Variants in MPPED1 observed in about 807,000 individuals in gnomAD.
MPPED1 encodes the protein metallophosphoesterase domain-containing protein 1.
Under a neutral mutation model 36.2 loss-of-function variants are expected in MPPED1, and 16 were observed. The ratio of observed to expected loss-of-function variants is 0.44; its 90% CI spans 0.30 to 0.67. MPPED1 has a LOEUF of 0.67. Ranked by LOEUF, MPPED1 falls within the 30% of genes least tolerant of loss-of-function variation. The pLI, the probability that MPPED1 is intolerant of heterozygous loss-of-function variation, is 0.10. For missense variants in MPPED1, 307 were observed against 453.4 expected, an observed-to-expected ratio of 0.68 and a Z score of 2.93; for synonymous variants, 199 against 191.3, an observed-to-expected ratio of 1.04 and a Z score of -0.33.
At chr22:43,485,790 T>A (rs1931894946) in intron 4 of MPPED1, among the ~76,000 whole-genome samples, 1 of 152,136 alleles carries the variant, frequency 6.6e-6, no homozygotes, top group Non-Finnish European at 1.5e-5. Flanking sequence ...GGTGGGAAAA[T>A]TAATTAGGAA....
chr22:43,495,302 ATGG>A (rs1469658398), intron 4 of MPPED1, among the ~76,000 whole-genome samples: 3 of 44,678 alleles, frequency 6.7e-5, no homozygotes, highest in East Asian at 8.5e-4. Flanking sequence ...GATGGAGGTG[ATGG>A]TGGTGATGGT....
chr22:43,430,137 T>C (rs1266968212), intron 2 of MPPED1, among the ~76,000 whole-genome samples: 1 of 152,058 alleles, frequency 6.6e-6, no homozygotes, highest in Non-Finnish European at 1.5e-5. Context: ...TGATGCCCAG[T>C]CACACGGCTG....
chr22:43,415,412 T>A (rs374991674), intron 1 of MPPED1, among the ~76,000 whole-genome samples: 103 of 152,250 alleles, frequency 6.8e-4, no homozygotes, highest in African/African-American at 2.4e-3. Flanking sequence ...TTATTTTGAC[T>A]TTTTTCCCCC....
chr22:43,458,675 A>G (rs1569076605), intron 3 of MPPED1, among the ~76,000 whole-genome samples: 1 of 151,994 alleles, frequency 6.6e-6, no homozygotes, highest in Non-Finnish European at 1.5e-5. Flanking sequence ...GTGCCCTTTC[A>G]TTTCAGTCTG....
intron 3 of MPPED1, among the ~76,000 whole-genome samples, chr22:43,435,649 G>A (rs971902378): frequency 2.6e-5 from 4 of 152,138 alleles, no homozygotes; most frequent in Admixed American, 1.3e-4. Context: ...CTGAGGTCAG[G>A]AGTTTGAGAC....
At chr22:43,425,313 G>C in intron 2 of MPPED1, 104 bp downstream of exon 2, 1 of 1,441,376 alleles carries the variant, frequency 6.9e-7, no homozygotes. Context: ...AACAAGCATT[G>C]AATGTTTGTT....
chr22:43,503,819 A>T (rs1932769583), intron 6 of MPPED1, among the ~76,000 whole-genome samples: 1 of 152,026 alleles, frequency 6.6e-6, no homozygotes, highest in African/African-American at 2.4e-5. Flanking sequence ...TTTGACCCAA[A>T]CCACACCCCC....
intron 4 of MPPED1, among the ~76,000 whole-genome samples, chr22:43,478,574 C>A (rs1446638215): frequency 6.6e-6 from 1 of 151,972 alleles, no homozygotes. Flanking sequence ...AAGGGTGTGG[C>A]AGGCAGAGGG....
At chr22:43,468,639 C>T (rs1340129181) in intron 3 of MPPED1, among the ~76,000 whole-genome samples, 1 of 152,162 alleles carries the variant, frequency 6.6e-6, no homozygotes, top group East Asian at 1.9e-4. Flanking sequence ...CAATCAGCAG[C>T]ATGGATTAGG....
chr22:43,506,977 C>T lies in MPPED1; in HGVS notation c.*1361C>T, dbSNP rs977587231. 1 of 152,072 alleles carries T rather than the reference C, an allele frequency of 6.6e-6. No homozygotes were observed. The highest frequency in any genetic ancestry group is 1.5e-5 in the Non-Finnish European group (1 of 68,020). The allele number at this position is 152,072 out of a possible 1,614,324, so 9.4% of individuals were successfully genotyped here. ...TACATCTGAGAGAAGGGTGTCACTC[C>T]CTCACCCAGGTCCCAGCCCTGGGAA... is the stretch of plus-strand genomic sequence containing the variant. On this transcript the variant is annotated 3_prime_UTR_variant, in exon 7 of 7. Transcript: ENST00000443721.
chr22:43,415,446 C>G (rs1929048012), intron 1 of MPPED1, among the ~76,000 whole-genome samples: 1 of 152,082 alleles, frequency 6.6e-6, no homozygotes, highest in Non-Finnish European at 1.5e-5. Flanking sequence ...CTTAGTTATA[C>G]TTTATTTCCA....
intron 2 of MPPED1, among the ~76,000 whole-genome samples, chr22:43,428,259 C>T (rs1406375312): frequency 1.3e-5 from 2 of 152,190 alleles, no homozygotes; most frequent in Admixed American, 1.3e-4. Flanking sequence ...CTGCTCTGCA[C>T]CACCACCTCC....
intron 4 of MPPED1, among the ~76,000 whole-genome samples, chr22:43,484,792 G>A (rs1246939761): frequency 1.3e-5 from 2 of 152,172 alleles, no homozygotes; most frequent in East Asian, 1.9e-4. Flanking sequence ...GGAAACGGCT[G>A]CTTGAGGGGC....
intron 3 of MPPED1, among the ~76,000 whole-genome samples, chr22:43,447,846 A>G (rs1465362671): frequency 9.4e-6 from 1 of 106,294 alleles, no homozygotes; most frequent in Non-Finnish European, 1.9e-5. Context: ...AAAATATTTT[A>G]TATATGTAAA....
chr22:43,488,379 C>A (rs1014421598), intron 4 of MPPED1, among the ~76,000 whole-genome samples: 1 of 152,172 alleles, frequency 6.6e-6, no homozygotes. Context: ...GCAGAGAACC[C>A]GAGCAGGGTA....
intron 6 of MPPED1, among the ~76,000 whole-genome samples, chr22:43,505,198 G>A (rs909781315): frequency 1.3e-5 from 2 of 152,106 alleles, no homozygotes; most frequent in East Asian, 1.9e-4. Flanking sequence ...TGATGGTGAC[G>A]AGGATGGTGG....
At chr22:43,443,112 G>A (rs1386887759) in intron 3 of MPPED1, among the ~76,000 whole-genome samples, 2 of 152,160 alleles carry the variant, frequency 1.3e-5, no homozygotes, top group Non-Finnish European at 2.9e-5. Context: ...GGGTAGGCTG[G>A]TGGTGACTGG....
chr22:43,456,819 C>T (rs1381807074), intron 3 of MPPED1, among the ~76,000 whole-genome samples: 3 of 152,140 alleles, frequency 2.0e-5, no homozygotes, highest in African/African-American at 7.2e-5. Flanking sequence ...GTTTTTAAAT[C>T]ATGAAAGGGT....
At chr22:43,463,879 TTCTG>T (rs1411718668) in intron 3 of MPPED1, among the ~76,000 whole-genome samples, 11 of 132,950 alleles carry the variant, frequency 8.3e-5, no homozygotes, top group African/African-American at 5.5e-5. Flanking sequence ...TTCTTTCTCT[TTCTG>T]TCTGTCTGTC....
Sources: gnomAD v4.1 joint callset for allele counts (sites outside exome capture counted in the v4.1 genomes callset) on GRCh38, gnomAD v4.1.1 for gene constraint, MANE v1.5 for transcripts, NCBI Gene and HGNC (gene_info 2026-07-23, HGNC 2026-07-21) for gene names.